Variants in BMAL2 observed in about 807,000 individuals in gnomAD.
The protein encoded by BMAL2 is basic helix-loop-helix ARNT-like protein 2.
chr12:27,378,808 T>C, the BMAL2 span, among the ~76,000 whole-genome samples: 2 of 152,152 alleles, frequency 1.3e-5, no homozygotes, highest in South Asian at 4.1e-4. Context: ...TGAGCCTAAA[T>C]TAAGATGATG....
At chr12:27,362,501 A>G in the BMAL2 span, among the ~76,000 whole-genome samples, 4 of 152,180 alleles carry the variant, frequency 2.6e-5, no homozygotes, top group Non-Finnish European at 5.9e-5. Context: ...AAGATAAGAC[A>G]TTGATCTGTG....
At chr12:27,401,455 A>G in the BMAL2 span, 1 of 1,541,740 alleles carries the variant, frequency 6.5e-7, no homozygotes, top group Non-Finnish European at 8.9e-7. Context: ...TGAAGTTTGA[A>G]TTAATCTTCA....
the BMAL2 span, among the ~76,000 whole-genome samples, chr12:27,364,920 T>C: frequency 6.6e-6 from 1 of 152,132 alleles, no homozygotes; most frequent in Non-Finnish European, 1.5e-5. Flanking sequence ...CTTTTAAATA[T>C]CATTGTCTTA....
chr12:27,390,228 C>G, the BMAL2 span: 2 of 1,613,506 alleles, frequency 1.2e-6, no homozygotes, highest in Non-Finnish European at 1.7e-6. Flanking sequence ...TTACCCAACT[C>G]AAAGAAGAAA....
At chr12:27,349,791 C>G in the BMAL2 span, among the ~76,000 whole-genome samples, 60 of 152,292 alleles carry the variant, frequency 3.9e-4, no homozygotes, top group Middle Eastern at 3.4e-3. Flanking sequence ...TTCTATATTA[C>G]AGATGAGGAA....
the BMAL2 span, among the ~76,000 whole-genome samples, chr12:27,341,142 T>C: frequency 1.8e-5 from 2 of 113,334 alleles, no homozygotes; most frequent in South Asian, 2.5e-4. Context: ...TCTAATACTA[T>C]GTTGAGTAAG....
At chr12:27,341,378 G>A in the BMAL2 span, among the ~76,000 whole-genome samples, 5 of 152,090 alleles carry the variant, frequency 3.3e-5, no homozygotes, top group Admixed American at 3.3e-4. Context: ...ATAATCACGT[G>A]GTTTTTGTCT....
chr12:27,349,611 G>A, the BMAL2 span, among the ~76,000 whole-genome samples: 6,504 of 152,252 alleles, frequency 0.043, 163 homozygotes, highest in Non-Finnish European at 0.061. Flanking sequence ...ACTAGTGTCT[G>A]TTTGGATCTT....
chr12:27,365,846 C>T, the BMAL2 span, among the ~76,000 whole-genome samples: 1 of 150,904 alleles, frequency 6.6e-6, no homozygotes, highest in African/African-American at 2.4e-5. Context: ...TATTCTATTT[C>T]ATTATTTCTG....
At chr12:27,378,061 C>T in the BMAL2 span, among the ~76,000 whole-genome samples, 4 of 152,204 alleles carry the variant, frequency 2.6e-5, no homozygotes, top group South Asian at 8.3e-4. Flanking sequence ...TCAGATTGCC[C>T]CTAAACTATT....
At chr12:27,415,583 CTG>C in the BMAL2 span, among the ~76,000 whole-genome samples, 2 of 152,272 alleles carry the variant, frequency 1.3e-5, no homozygotes, top group Non-Finnish European at 2.9e-5. Flanking sequence ...TTAAACTGTG[CTG>C]TGTTATTCTA....
chr12:27,418,062 G>C, the BMAL2 span: 2,916 of 1,485,774 alleles, frequency 2.0e-3, 4 homozygotes, highest in Non-Finnish European at 2.5e-3. Context: ...GAACCTCACT[G>C]TTTGTTACTC....
the BMAL2 span, chr12:27,424,595 T>A: frequency 2.6e-5 from 4 of 152,190 alleles, no homozygotes; most frequent in African/African-American, 9.7e-5. Flanking sequence ...GGGGCACAGG[T>A]ACAAGAAATA....
the BMAL2 span, among the ~76,000 whole-genome samples, chr12:27,408,545 G>A: frequency 4.9e-4 from 74 of 151,960 alleles, no homozygotes; most frequent in African/African-American, 6.0e-4. Context: ...ATTCAACAAC[G>A]CTTCATGCTA....
the BMAL2 span, among the ~76,000 whole-genome samples, chr12:27,408,689 A>C: frequency 1.3e-5 from 2 of 152,246 alleles, no homozygotes; most frequent in African/African-American, 4.8e-5. Flanking sequence ...GGCACAAGAC[A>C]GGGATGCCGT....
the BMAL2 span, among the ~76,000 whole-genome samples, chr12:27,392,983 G>C: frequency 4.6e-5 from 7 of 152,038 alleles, no homozygotes; most frequent in South Asian, 6.2e-4. Context: ...AACTCTACAG[G>C]CTTCATTTTC....
At chr12:27,397,529 T>G in the BMAL2 span, among the ~76,000 whole-genome samples, 433 of 152,382 alleles carry the variant, frequency 2.8e-3, 3 homozygotes, top group African/African-American at 9.6e-3. Flanking sequence ...AATTTAAGAT[T>G]TATGGAAAGG....
At chr12:27,335,412 T>C in the BMAL2 span, among the ~76,000 whole-genome samples, 3 of 152,138 alleles carry the variant, frequency 2.0e-5, no homozygotes, top group Non-Finnish European at 2.9e-5. Flanking sequence ...CTGCCAGAGA[T>C]GGTCTGGGGT....
the BMAL2 span, among the ~76,000 whole-genome samples, chr12:27,417,410 T>TCATC: frequency 6.6e-6 from 1 of 152,340 alleles, no homozygotes; most frequent in East Asian, 1.9e-4. Flanking sequence ...TTTTTCTTCT[T>TCATC]CATCCAAAAC....
Sources: gnomAD v4.1 joint callset for allele counts (sites outside exome capture counted in the v4.1 genomes callset) on GRCh38, gnomAD v4.1.1 for gene constraint, MANE v1.5 for transcripts, NCBI Gene and HGNC (gene_info 2026-07-23, HGNC 2026-07-21) for gene names.